The following SH3BGRL variants were observed in gnomAD, a reference collection of about 807,000 sequenced individuals.
SH3BGRL encodes the protein SH3 domain binding glutamate rich protein like, also known as adapter SH3BGRL.
SH3BGRL carries 7 observed loss-of-function variants against 9.8 expected under a neutral mutation model. That is an observed-to-expected ratio of 0.72 (90% CI 0.41 to 1.35). The LOEUF (loss-of-function observed/expected upper bound fraction) is 1.35, where lower values mean the gene tolerates loss of function less well. Among genes scored for constraint, SH3BGRL ranks in the 40% most tolerant of loss-of-function variants. The pLI, the probability that SH3BGRL is intolerant of heterozygous loss-of-function variation, is 0.01. For missense variants in SH3BGRL, 73 were observed against 84.4 expected, an observed-to-expected ratio of 0.86 and a Z score of 0.53; for synonymous variants, 36 against 29.1, an observed-to-expected ratio of 1.24 and a Z score of -0.76.
At chrX:81,226,222 T>C (rs1404052248) in intron 1 of SH3BGRL, among the ~76,000 whole-genome samples, 1 of 110,614 alleles carries the variant, frequency 9.0e-6, no homozygotes, top group Non-Finnish European at 1.9e-5. Flanking sequence ...GATTTTTGTA[T>C]TCTGAAGTAA....
chrX:81,262,930 A>G (rs1444275867), intron 1 of SH3BGRL, among the ~76,000 whole-genome samples: 1 of 111,790 alleles, frequency 8.9e-6, no homozygotes, highest in Non-Finnish European at 1.9e-5. Flanking sequence ...GACAAAAGCA[A>G]AAGGCATAGT....
In SH3BGRL at chrX:81,277,212, C is replaced by A. The variant is rs370389862; in HGVS notation, c.231+43C>A. ...ATTCTTGTTTATTGTAATAGATTGC[C>A]CCAAATCTATCCATTATTTTCACCT... On this transcript the variant is annotated intron_variant, in intron 2 of 3. Coordinates refer to ENST00000373212, the MANE Select transcript of SH3BGRL (RefSeq NM_003022.3). The A allele has an allele frequency of 7.1e-5, 76 of 1,068,057 alleles. No individual in the cohort carries two copies. In the African/African-American group the frequency reaches 1.1e-3, roughly 16 times the overall value. 88.0% of individuals were successfully genotyped at this position (1,068,057 alleles called of 1,213,427 possible).
chrX:81,203,309 A>G (rs765191535), intron 1 of SH3BGRL, among the ~76,000 whole-genome samples: 3 of 111,143 alleles, frequency 2.7e-5, no homozygotes, highest in Non-Finnish European at 3.8e-5. Flanking sequence ...TGGCTTGTTT[A>G]TTTACACCTG....
chrX:81,260,476 T>G (rs1221244242), intron 1 of SH3BGRL, among the ~76,000 whole-genome samples: 1 of 111,598 alleles, frequency 9.0e-6, no homozygotes, highest in Non-Finnish European at 1.9e-5. Flanking sequence ...ATAATTATTG[T>G]ATTATACTTT....
intron 1 of SH3BGRL, among the ~76,000 whole-genome samples, chrX:81,266,846 T>C (rs1961491465): frequency 8.9e-6 from 1 of 112,241 alleles, no homozygotes; most frequent in Non-Finnish European, 1.9e-5. Flanking sequence ...GAGCATGGAA[T>C]GTTTTTCGAT....
chrX:81,279,975 C>G (rs755262924), intron 3 of SH3BGRL, among the ~76,000 whole-genome samples: 1 of 111,418 alleles, frequency 9.0e-6, no homozygotes, highest in Non-Finnish European at 1.9e-5. Flanking sequence ...TGGAAACAGA[C>G]TCAGGGCTGT....
At chrX:81,253,573 A>G (rs2075717159) in intron 1 of SH3BGRL, among the ~76,000 whole-genome samples, 1 of 111,538 alleles carries the variant, frequency 9.0e-6, no homozygotes, top group Non-Finnish European at 1.9e-5. Context: ...ATTGTTATAC[A>G]ACTTAACACC....
chrX:81,216,785 A>T (rs1023418161), intron 1 of SH3BGRL, among the ~76,000 whole-genome samples: 2 of 111,807 alleles, frequency 1.8e-5, no homozygotes, highest in African/African-American at 6.5e-5. Context: ...CATTCTTTTT[A>T]TAACTGAGTA....
chrX:81,202,331 T>C, intron 1 of SH3BGRL, 86 bp downstream of exon 1: 1 of 1,021,780 alleles, frequency 9.8e-7, no homozygotes. Context: ...CAGAAGTTCC[T>C]CTGGCAGCTT....
chrX:81,217,970 C>A (rs2075586212), intron 1 of SH3BGRL, among the ~76,000 whole-genome samples: 1 of 111,040 alleles, frequency 9.0e-6, no homozygotes, highest in African/African-American at 3.3e-5. Flanking sequence ...GTGATATTTT[C>A]ATGTTGGACT....
At chrX:81,269,711 T>G (rs1449753640) in intron 1 of SH3BGRL, among the ~76,000 whole-genome samples, 4 of 110,613 alleles carry the variant, frequency 3.6e-5, no homozygotes, top group African/African-American at 1.3e-4. Context: ...TTGCTCTTCT[T>G]GAGGGGTATC....
chrX:81,251,174 TC>T (rs1464760590), intron 1 of SH3BGRL, among the ~76,000 whole-genome samples: 1 of 112,238 alleles, frequency 8.9e-6, no homozygotes, highest in East Asian at 2.8e-4. Flanking sequence ...TTATGCAATA[TC>T]ATTTAAAATA....
At chrX:81,276,893 C>A in intron 1 of SH3BGRL, 91 bp from the exon 2 acceptor site, 1 of 761,206 alleles carries the variant, frequency 1.3e-6, no homozygotes. Flanking sequence ...AAACCACAAT[C>A]TTTGTTCTGT....
intron 1 of SH3BGRL, among the ~76,000 whole-genome samples, chrX:81,268,514 T>C (rs749536892): frequency 9.8e-5 from 11 of 111,805 alleles, no homozygotes; most frequent in Non-Finnish European, 1.7e-4. Context: ...TCAGTTTCCA[T>C]GTAGTTGTGC....
chrX:81,218,411 A>G (rs1029057735), intron 1 of SH3BGRL, among the ~76,000 whole-genome samples: 12 of 110,465 alleles, frequency 1.1e-4, no homozygotes, highest in Non-Finnish European at 1.9e-4. Flanking sequence ...AACTCCTTTT[A>G]GCATTTCTTA....
intron 1 of SH3BGRL, among the ~76,000 whole-genome samples, chrX:81,209,447 A>G (rs2075557090): frequency 9.0e-6 from 1 of 111,666 alleles, no homozygotes; most frequent in Non-Finnish European, 1.9e-5. Context: ...AATAACTACT[A>G]TTAGATTCAT....
intron 1 of SH3BGRL, among the ~76,000 whole-genome samples, chrX:81,224,808 T>A (rs1478585101): frequency 8.9e-6 from 1 of 111,801 alleles, no homozygotes; most frequent in Non-Finnish European, 1.9e-5. Context: ...TTGTTCAATC[T>A]TTTTTGTTGT....
chrX:81,226,573 ATATTTTATC>A (rs1319599025), intron 1 of SH3BGRL, among the ~76,000 whole-genome samples: 73 of 102,334 alleles, frequency 7.1e-4, no homozygotes, highest in African/African-American at 2.5e-3. Context: ...TATTTTGTTT[ATATTTTATC>A]TATTTATTTT....
intron 1 of SH3BGRL, among the ~76,000 whole-genome samples, chrX:81,225,814 TCC>T (rs1449355878): frequency 1.8e-5 from 2 of 111,655 alleles, no homozygotes; most frequent in African/African-American, 6.5e-5. Flanking sequence ...TGTAAATAAA[TCC>T]CAGTCCTCTG....
Sources: gnomAD v4.1 joint callset for allele counts (sites outside exome capture counted in the v4.1 genomes callset) on GRCh38, gnomAD v4.1.1 for gene constraint, MANE v1.5 for transcripts, NCBI Gene and HGNC (gene_info 2026-07-23, HGNC 2026-07-21) for gene names.